ATL2: variants seen among roughly 807,000 people sequenced by gnomAD.
ATL2 encodes the protein atlastin-2.
A neutral mutation model predicts 73.9 loss-of-function variants in ATL2; 31 were observed. That is an observed-to-expected ratio of 0.42 (90% CI 0.32 to 0.57). The LOEUF (loss-of-function observed/expected upper bound fraction) is 0.57, where lower values mean the gene tolerates loss of function less well. ATL2 is among the 20% of genes least tolerant of loss of function. ATL2 has a pLI of 0.14. For missense variants in ATL2, 738 were observed against 702.6 expected (o/e 1.05, Z -0.57); for synonymous variants, 291 against 237.5 (o/e 1.23, Z -2.07).
chr2:38,350,294 C>T (rs1670263875), intron 1 of ATL2, among the ~76,000 whole-genome samples: 1 of 152,154 alleles, frequency 6.6e-6, no homozygotes, highest in South Asian at 2.1e-4. Flanking sequence ...CTTTCAAGGT[C>T]AAAGCTAAAA....
intron 9 of ATL2, among the ~76,000 whole-genome samples, chr2:38,300,971 C>CTTTTTTTT (rs1325860466): frequency 2.1e-5 from 3 of 143,832 alleles, no homozygotes; most frequent in African/African-American, 8.6e-5. Context: ...TTCATCTCAA[C>CTTTTTTTT]TTTCTTTTTT....
chr2:38,295,296 G>C lies in ATL2; in HGVS notation c.*698C>G, dbSNP rs1406950512. 6.6e-6 allele frequency: 1 copy of C among 152,150 alleles called. No homozygotes were observed. The highest frequency in any genetic ancestry group is 1.5e-5 in the Non-Finnish European group (1 of 68,036). The allele number at this position is 152,150 out of a possible 1,614,324, so 9.4% of individuals were successfully genotyped here. On this transcript the variant is annotated 3_prime_UTR_variant, in exon 13 of 13. Coordinates refer to ENST00000378954, the MANE Select transcript of ATL2 (RefSeq NM_001135673.4). The stretch of plus-strand genomic sequence containing the variant: ...TAGCTGTAGGCAACATTTTTGGATG[G>C]AATTTCTTCCCCAATAAAATTAATG...
At chr2:38,332,503 G>A (rs982054759) in intron 2 of ATL2, among the ~76,000 whole-genome samples, 2 of 152,116 alleles carry the variant, frequency 1.3e-5, no homozygotes, top group African/African-American at 4.8e-5. Context: ...ACCATGCCCC[G>A]CCAATGGAAA....
At chr2:38,355,888 T>G (rs1468189990) in intron 1 of ATL2, among the ~76,000 whole-genome samples, 1 of 151,438 alleles carries the variant, frequency 6.6e-6, no homozygotes, top group Non-Finnish European at 1.5e-5. Context: ...TAGAGACAGG[T>G]TTCACCATTT....
chr2:38,311,319 A>G (rs1211939366), intron 7 of ATL2, among the ~76,000 whole-genome samples: 1 of 152,100 alleles, frequency 6.6e-6, no homozygotes, highest in African/African-American at 2.4e-5. Flanking sequence ...TATTAGGGGG[A>G]AAAAAATCTT....
chr2:38,331,896 T>A (rs1406102118), intron 2 of ATL2, among the ~76,000 whole-genome samples: 1 of 152,004 alleles, frequency 6.6e-6, no homozygotes, highest in African/African-American at 2.4e-5. Flanking sequence ...TATAGCATTA[T>A]TCCTAATAGT....
At chr2:38,376,149 GAA>G in intron 1 of ATL2, 1 of 1,530,540 alleles carries the variant, frequency 6.5e-7, no homozygotes, top group Non-Finnish European at 8.8e-7. Flanking sequence ...ATAAGCCTTT[GAA>G]AAAACTTTAT....
chr2:38,300,756 T>C (rs1321017348), intron 9 of ATL2, among the ~76,000 whole-genome samples: 1 of 152,010 alleles, frequency 6.6e-6, no homozygotes, highest in Non-Finnish European at 1.5e-5. Context: ...GCTCAAGTGA[T>C]CCTCCTGCCT....
intron 1 of ATL2, among the ~76,000 whole-genome samples, chr2:38,361,708 C>T (rs1671026973): frequency 2.0e-5 from 3 of 152,146 alleles, no homozygotes; most frequent in Admixed American, 1.3e-4. Flanking sequence ...AAATACATTA[C>T]AATTGTTTTT....
intron 1 of ATL2, among the ~76,000 whole-genome samples, chr2:38,370,156 AAAAAAAAAAAAAAAAG>A (rs2124495876): frequency 6.9e-6 from 1 of 145,950 alleles, no homozygotes; most frequent in African/African-American, 2.7e-5. Context: ...CCGTCAAAAA[AAAAAAAAAAAAAAAAG>A]AAAGAAAATC....
At chr2:38,324,373 G>A (rs955642548) in intron 2 of ATL2, among the ~76,000 whole-genome samples, 29 of 152,318 alleles carry the variant, frequency 1.9e-4, no homozygotes, top group African/African-American at 6.3e-4. Flanking sequence ...ATCTTCATGT[G>A]TATAAAACTA....
chr2:38,369,855 A>T (rs1031804143), intron 1 of ATL2, among the ~76,000 whole-genome samples: 6 of 151,788 alleles, frequency 4.0e-5, no homozygotes, highest in African/African-American at 1.5e-4. Context: ...CGGATTTGTC[A>T]TTAAAAAAAA....
At chr2:38,306,037 T>A (rs1340180634) in intron 9 of ATL2, among the ~76,000 whole-genome samples, 1 of 151,674 alleles carries the variant, frequency 6.6e-6, no homozygotes, top group Non-Finnish European at 1.5e-5. Context: ...CCCAAATAAA[T>A]AAAATCAGAG....
At chr2:38,353,880 A>C (rs1320650083) in intron 1 of ATL2, among the ~76,000 whole-genome samples, 1 of 152,192 alleles carries the variant, frequency 6.6e-6, no homozygotes, top group East Asian at 1.9e-4. Context: ...CAAAAATGAA[A>C]GCAAAATAAA....
chr2:38,374,102 G>A (rs1420676104), intron 1 of ATL2, among the ~76,000 whole-genome samples: 1 of 152,108 alleles, frequency 6.6e-6, no homozygotes, highest in Non-Finnish European at 1.5e-5. Context: ...TGTTGGTCAG[G>A]CTGGTCTCGA....
At chr2:38,316,902 C>G (rs1668052064) in intron 4 of ATL2, among the ~76,000 whole-genome samples, 1 of 152,094 alleles carries the variant, frequency 6.6e-6, no homozygotes. Context: ...TCAAGGGAAT[C>G]ACAGCTGTGC....
chr2:38,315,132 T>C (rs978305453), intron 5 of ATL2, 152 bp downstream of exon 5: 56 of 687,034 alleles, frequency 8.2e-5, no homozygotes, highest in East Asian at 4.2e-5. Context: ...ATGCCTGTAA[T>C]GCCAGCTACT....
intron 2 of ATL2, among the ~76,000 whole-genome samples, chr2:38,325,727 C>CACCAGT (rs1383695909): frequency 7.4e-5 from 9 of 121,370 alleles, no homozygotes; most frequent in Non-Finnish European, 1.2e-4. Flanking sequence ...CACACACACA[C>CACCAGT]ACACACACAC....
rs1264116657 is a variant in ATL2 at position 38,319,123 on chromosome 2, A to C, written c.364-104T>G. ...TTACAGATGGGGAAGCTAAACCCGG[A>C]AAGACAAAAAAAACACTGTGTAACA... On this transcript the variant is annotated intron_variant, in intron 2 of 12. Coordinates refer to ENST00000378954, the MANE Select transcript of ATL2 (RefSeq NM_001135673.4). The C allele has an allele frequency of 9.0e-6, 11 of 1,226,598 alleles. No homozygotes were observed. The Admixed American group carries it at 2.2e-4, about 25-fold the overall frequency. 76.0% of individuals were successfully genotyped at this position (1,226,598 alleles called of 1,614,324 possible). A position where few individuals can be genotyped will look rare whatever the true frequency, so the allele number is the denominator to read the frequency against.
Sources: gnomAD v4.1 joint callset for allele counts (sites outside exome capture counted in the v4.1 genomes callset) on GRCh38, gnomAD v4.1.1 for gene constraint, MANE v1.5 for transcripts, NCBI Gene and HGNC (gene_info 2026-07-23, HGNC 2026-07-21) for gene names.